The following ACAN variants were observed in gnomAD, a reference collection of about 807,000 sequenced individuals.
The protein encoded by ACAN is aggrecan.
ACAN carries 47 observed loss-of-function variants against 169.1 expected under a neutral mutation model. That is an observed-to-expected ratio of 0.28 (90% CI 0.22 to 0.35). The LOEUF (loss-of-function observed/expected upper bound fraction) is 0.35. Among genes scored for constraint, ACAN ranks in the 10% least tolerant of loss-of-function variants. The pLI, the probability that ACAN is intolerant of heterozygous loss-of-function variation, is 1.00. For synonymous variants in ACAN, 1,115 were observed against 1,112.2 expected, an observed-to-expected ratio of 1.00 and a Z score of -0.05; for missense variants, 2,716 against 2,759.9, an observed-to-expected ratio of 0.98 and a Z score of 0.36.
rs33937048 is a variant in ACAN at position 88,807,747 on chromosome 15, A to AGTGTGT, written c.-8+3972_-8+3977dup. ...CTCAGAGCCTCCTTATAAGTGGTGG[A>AGTGTGT]GTGTGTGTGTGTGTGTGTGTGTGTG... is the stretch of plus-strand genomic sequence containing the variant. On this transcript the variant is annotated intron_variant, in intron 1 of 18. Transcript: ENST00000560601. The surrounding 1 kb of genome is among the most constrained non-coding windows in gnomAD (Gnocchi z 4.0). Among the ~76,000 whole-genome samples the AGTGTGT allele has an allele frequency of 0.18, 26,228 of 141,840 alleles. 2,706 individuals carry two copies. Among genetic ancestry groups the AGTGTGT allele is most frequent in the African/African-American group, 0.27 (10,391 of 38,174 alleles). 93.1% of individuals were successfully genotyped at this position (141,840 alleles called of 152,430 possible).
chr15:88,871,310 A>G lies in ACAN; in HGVS notation c.7061-72A>G. 1.9e-6 allele frequency: 3 copies of G among 1,601,170 alleles called. No homozygotes were observed. Among genetic ancestry groups the G allele is most frequent in the Non-Finnish European group, 2.6e-6 (3 of 1,173,720 alleles). ...TGGGGTGAACGCAGGAACCTATGCC[A>G]TAAGACTGGCAGCATCTGCCATCCC... On this transcript the variant is annotated intron_variant, in intron 14 of 18. Transcript: ENST00000560601. This position sits in a 1 kb window ranked among gnomAD's most constrained non-coding sequence, Gnocchi z 7.8.
At chr15:88,823,586 T>G (rs1189304029) in intron 1 of ACAN, among the ~76,000 whole-genome samples, 1 of 152,094 alleles carries the variant, frequency 6.6e-6, no homozygotes, top group South Asian at 2.1e-4. Flanking sequence ...CTGATGGTGT[T>G]CAGCCAAATT....
Position 88,843,684 on chromosome 15 carries a change from C to T in ACAN, c.1051+36C>T. On this transcript the variant is annotated intron_variant, in intron 6 of 18. Transcript: ENST00000560601. This position sits in a 1 kb window ranked among gnomAD's most constrained non-coding sequence, Gnocchi z 4.0. ...GCTGGTGGTGGGAAGGGAGTTCATG[C>T]CACTAAAATGGGGTCCTAGAGGGAA... The T allele has an allele frequency of 6.5e-7, 1 of 1,535,356 alleles. No homozygotes were observed. Among genetic ancestry groups the T allele is most frequent in the Non-Finnish European group, 8.8e-7 (1 of 1,135,042 alleles).
At chr15:88,830,012 G>T (rs1296145644) in intron 1 of ACAN, among the ~76,000 whole-genome samples, 1 of 152,194 alleles carries the variant, frequency 6.6e-6, no homozygotes, top group Admixed American at 6.5e-5. Context: ...CCAGGGCCAA[G>T]GCCTGGTGAG....
At chr15:88,853,366 G>A (rs533807159) in intron 11 of ACAN, among the ~76,000 whole-genome samples, 20 of 152,306 alleles carry the variant, frequency 1.3e-4, no homozygotes, top group African/African-American at 2.9e-4. Context: ...GGCTGAGTAC[G>A]GTGGCTTACA....
At chr15:88,859,781 G>A (rs1486488036) in intron 12 of ACAN, among the ~76,000 whole-genome samples, 1 of 152,230 alleles carries the variant, frequency 6.6e-6, no homozygotes, top group Admixed American at 6.5e-5. Flanking sequence ...GGGAGAGAAG[G>A]ATGACTGTCT....
chr15:88,874,490 TCCAGGACGCAC>T lies in ACAN; in HGVS notation c.*19_*29del, dbSNP rs983529893. The T allele has an allele frequency of 5.6e-6, 9 of 1,593,648 alleles. No homozygotes were observed. Among genetic ancestry groups the T allele is most frequent in the African/African-American group, 5.4e-5 (4 of 74,486 alleles). ...CCAGCACAGCCCACTGAGAAGAGCTTCCAGGACGCACCCAGGACGCTGAGCCCAGGAGCCTG... is the reference window on the plus strand; with the variant it reads ...CCAGCACAGCCCACTGAGAAGAGCTTCCAGGACGCTGAGCCCAGGAGCCTG... On this transcript the variant is annotated 3_prime_UTR_variant, in exon 19 of 19. Transcript: ENST00000560601. This position sits in a 1 kb window ranked among gnomAD's most constrained non-coding sequence, Gnocchi z 7.3.
chr15:88,872,170 A>T lies in ACAN; in HGVS notation c.7302+85A>T. ...CTGGAGAGAGATGCATTCAAACCCCATGCAGACAGCCGCTTACCAGCTGCT... is the reference window on the plus strand; with the variant it reads ...CTGGAGAGAGATGCATTCAAACCCCTTGCAGACAGCCGCTTACCAGCTGCT... On this transcript the variant is annotated intron_variant, in intron 16 of 18. Transcript: ENST00000560601. This position sits in a 1 kb window ranked among gnomAD's most constrained non-coding sequence, Gnocchi z 5.4. 1 of 1,173,828 alleles carries T rather than the reference A, an allele frequency of 8.5e-7. No homozygotes were observed. Among genetic ancestry groups the T allele is most frequent in the Non-Finnish European group, 1.3e-6 (1 of 789,374 alleles). 72.7% of individuals were successfully genotyped at this position (1,173,828 alleles called of 1,614,324 possible). A position where few individuals can be genotyped will look rare whatever the true frequency, so the allele number is the denominator to read the frequency against.
At chr15:88,816,223 C>T (rs1242393336) in intron 1 of ACAN, among the ~76,000 whole-genome samples, 2 of 152,230 alleles carry the variant, frequency 1.3e-5, no homozygotes, top group African/African-American at 4.8e-5. Flanking sequence ...GTCACATTCA[C>T]AGGCAATGGG....
rs775758199 is a variant in ACAN, at chr15:88,851,928, G to A, written c.2161G>A (p.Val721Ile). 2.0e-5 allele frequency: 33 copies of A among 1,612,578 alleles called. No homozygotes were observed. Among genetic ancestry groups the A allele is most frequent in the Non-Finnish European group, 2.5e-5 (29 of 1,179,444 alleles). Residue 721 changes from valine (V) to isoleucine (I), a missense_variant, in exon 11 of 19, where the codon GTA becomes ATA. Physicochemically the swap from Val to Ile is conservative, Grantham distance 29. Transcript: ENST00000560601. This position sits in a 1 kb window ranked among gnomAD's most constrained non-coding sequence, Gnocchi z 4.3. ...AVPVEEETTA[V>I]PSGETTAILE... ...CCCCGTAGAAGAGGAGACAACTGCT[G>A]TACCCTCAGGGGAGACTACTGCCAT...
At position 88,843,212 on chromosome 15, in the gene ACAN, TC is replaced by T; in HGVS notation, c.758-142del. The T allele has an allele frequency of 1.5e-6, 1 of 646,164 alleles. No individual in the cohort carries two copies. Among genetic ancestry groups the T allele is most frequent in the Non-Finnish European group, 2.4e-6 (1 of 411,130 alleles). The allele number at this position is 646,164 out of a possible 1,614,324, so 40.0% of individuals were successfully genotyped here. The stretch of plus-strand genomic sequence containing the variant: ...CAGAAATAAGCAATGAAGGGCAAGA[TC>T]TGAGATGCAGACATATGGGACCAGG... On this transcript the variant is annotated intron_variant, in intron 5 of 18. Transcript: ENST00000560601. The surrounding 1 kb of genome is among the most constrained non-coding windows in gnomAD (Gnocchi z 4.0).
At chr15:88,867,560 C>G (rs891286761) in intron 13 of ACAN, among the ~76,000 whole-genome samples, 6 of 152,134 alleles carry the variant, frequency 3.9e-5, no homozygotes, top group Non-Finnish European at 8.8e-5. Context: ...GAGAAAGATT[C>G]AGGCTTCATT....
intron 13 of ACAN, among the ~76,000 whole-genome samples, chr15:88,864,299 G>T (rs922489692): frequency 6.7e-6 from 1 of 149,620 alleles, no homozygotes; most frequent in African/African-American, 2.5e-5. Context: ...ACAGAGTCTC[G>T]CACTGTCATG....
intron 1 of ACAN, among the ~76,000 whole-genome samples, chr15:88,830,415 G>A (rs113253497): frequency 1.8e-3 from 267 of 152,316 alleles, no homozygotes; most frequent in Non-Finnish European, 2.7e-3. Context: ...CTCCACTAAA[G>A]TGTACTTACA....
In ACAN at chr15:88,857,921, C is replaced by G. The variant is rs1342910294; in HGVS notation, c.5336C>G (p.Pro1779Arg). The change falls in exon 12 of 19, where the codon CCC (proline) becomes CGC (arginine). Residue 1779 changes from proline (P) to arginine (R), a missense_variant. Coordinates refer to ENST00000560601, the MANE Select transcript of ACAN (RefSeq NM_001369268.1). ...ASGVLYGTSQ[P>R]FGITDLSGET... ...GGAGTTCTTTATGGCACTAGTCAAC[C>G]CTTTGGCATAACTGATCTGAGTGGA... 6 of 1,613,762 alleles carry G rather than the reference C, an allele frequency of 3.7e-6. No homozygotes were observed. In the East Asian group the frequency reaches 6.7e-5, roughly 18 times the overall value.
Position 88,850,133 on chromosome 15 carries a change from A to G in ACAN, c.2026+402A>G, listed in dbSNP as rs563261941. 4.6e-5 allele frequency: 23 copies of G among 495,148 alleles called. No homozygotes were observed. In the East Asian group the frequency reaches 6.4e-4, roughly 14 times the overall value. 30.7% of individuals were successfully genotyped at this position (495,148 alleles called of 1,614,324 possible). ...GTGCCTGGGACACAGTAAATGCTCAATAAATGTTAGCTTTATTTCATATAC... is the reference window on the plus strand; with the variant it reads ...GTGCCTGGGACACAGTAAATGCTCAGTAAATGTTAGCTTTATTTCATATAC... On this transcript the variant is annotated intron_variant, in intron 10 of 18. Coordinates refer to ENST00000560601, the MANE Select transcript of ACAN (RefSeq NM_001369268.1).
chr15:88,841,805 C>T lies in ACAN; in HGVS notation c.695C>T (p.Thr232Met), dbSNP rs771842029. Reference protein sequence around the residue: ...GDKDEFPGVRTYGIRDTNETY... With the variant: ...GDKDEFPGVRMYGIRDTNETY... ...AAGGATGAGTTTCCTGGTGTGAGGA[C>T]GTATGGCATCCGAGACACCAACGAG... Residue 232 changes from threonine to methionine, a missense_variant, in exon 5 of 19, where the codon ACG becomes ATG. Coordinates refer to ENST00000560601, the MANE Select transcript of ACAN (RefSeq NM_001369268.1). 6.2e-7 allele frequency: 1 copy of T among 1,613,426 alleles called. No homozygotes were observed. Among genetic ancestry groups the T allele is most frequent in the Non-Finnish European group, 8.5e-7 (1 of 1,179,798 alleles).
At position 88,845,634 on chromosome 15, in the gene ACAN, G is replaced by C; in HGVS notation, c.1181G>C (p.Arg394Pro). The C allele has an allele frequency of 6.2e-7, 1 of 1,614,058 alleles. No homozygotes were observed. Among genetic ancestry groups the C allele is most frequent in the Non-Finnish European group, 8.5e-7 (1 of 1,179,902 alleles). The change falls in exon 7 of 19, where the codon CGA becomes CCA. Residue 394 changes from arginine to proline, a missense_variant. Coordinates refer to ENST00000560601, the MANE Select transcript of ACAN (RefSeq NM_001369268.1). ...LPRNITEGEA[R>P]GSVILTVKPI... ...CGAAACATCACTGAGGGTGAAGCCC[G>C]AGGCAGCGTGATCCTTACCGTAAAG...
rs1416381651 is a variant in ACAN at position 88,807,034 on chromosome 15, A to G, written c.-8+3225A>G. Among the ~76,000 whole-genome samples the G allele has an allele frequency of 6.6e-6, 1 of 150,794 alleles. No homozygotes were observed. The highest frequency in any genetic ancestry group is 1.5e-5 in the Non-Finnish European group (1 of 67,980). ...AAATTTGATATTTGCATATATTTTT[A>G]TTTAATTTTTTTTTTACTATATTGG... On this transcript the variant is annotated intron_variant, in intron 1 of 18. Transcript: ENST00000560601. The surrounding 1 kb of genome is among the most constrained non-coding windows in gnomAD (Gnocchi z 4.0).
Sources: allele counts gnomAD v4.1 joint callset (sites outside exome capture counted in the v4.1 genomes callset), GRCh38; gene constraint gnomAD v4.1.1; non-coding constraint Gnocchi (gnomAD v3.1); transcripts MANE v1.5; gene names NCBI Gene and HGNC (gene_info 2026-07-23, HGNC 2026-07-21).